The following SRSF1 variants were observed in gnomAD, a reference collection of about 807,000 sequenced individuals.
SRSF1 encodes the protein serine and arginine rich splicing factor 1.
In SRSF1, 1 loss-of-function variant was observed where a neutral mutation model predicts 25.9. The observed-to-expected ratio is 0.04, with a 90% CI of 0.01 to 0.18. SRSF1 has a LOEUF of 0.18. Ranked by LOEUF, SRSF1 falls within the 10% of genes least tolerant of loss-of-function variation. The pLI, the probability that SRSF1 is intolerant of heterozygous loss-of-function variation, is 1.00. For missense variants in SRSF1, 65 were observed against 350.5 expected (o/e 0.19, Z 6.50); for synonymous variants, 132 against 126.2 (o/e 1.05, Z -0.31).
chr17:58,002,602 G>A lies in SRSF1; in HGVS notation c.*2804C>T, dbSNP rs187823513. ...GGTACAAAATAATCTTATGGTTGGA[G>A]AAGGGCTTATAAGGCAAAATTCTAA... On this transcript the variant is annotated 3_prime_UTR_variant, in exon 4 of 4. Coordinates refer to ENST00000258962, the MANE Select transcript of SRSF1 (RefSeq NM_006924.5). Among the ~76,000 whole-genome samples the A allele has an allele frequency of 2.7e-3, 414 of 152,324 alleles. 3 individuals are homozygous for A. Among genetic ancestry groups the A allele is most frequent in the African/African-American group, 9.3e-3 (388 of 41,550 alleles).
rs118016688 is a variant in SRSF1, at chr17:58,002,664, A to C, written c.*2742T>G. On this transcript the variant is annotated 3_prime_UTR_variant, in exon 4 of 4. Coordinates refer to ENST00000258962, the MANE Select transcript of SRSF1 (RefSeq NM_006924.5). Reference sequence around the variant, plus strand: ...TTTATTAACAATGATTCATCCAAAGAAGCAGTTAATCTTGTGCACTCTTCC... The same window carrying C: ...TTTATTAACAATGATTCATCCAAAGCAGCAGTTAATCTTGTGCACTCTTCC... 0.011 allele frequency among the ~76,000 whole-genome samples: 1,658 copies of C among 152,332 alleles called. 16 individuals are homozygous for C. The highest frequency in any genetic ancestry group is 0.022 in the Admixed American group (344 of 15,298).
In SRSF1 at chr17:58,005,697, G is replaced by A. The variant is rs1460374173; in HGVS notation, c.553-97C>T. The stretch of plus-strand genomic sequence containing the variant: ...CAATGTAACTAAAACCAGAAATCTG[G>A]CAATTTACTTGGACAACCTTGCCTG... On this transcript the variant is annotated intron_variant, in intron 3 of 3. Coordinates refer to ENST00000258962, the MANE Select transcript of SRSF1 (RefSeq NM_006924.5). The surrounding 1 kb of genome is among the most constrained non-coding windows in gnomAD (Gnocchi z 5.2). 11 of 1,607,604 alleles carry A rather than the reference G, an allele frequency of 6.8e-6. No homozygotes were observed. The highest frequency in any genetic ancestry group is 1.3e-5 in the African/African-American group (1 of 74,734).
chr17:58,004,787 T>C lies in SRSF1; in HGVS notation c.*619A>G, dbSNP rs1272240598. 1 of 394,470 alleles carries C rather than the reference T, an allele frequency of 2.5e-6. No individual in the cohort carries two copies. The highest frequency in any genetic ancestry group is 4.5e-6 in the Non-Finnish European group (1 of 223,748). The allele number at this position is 394,470 out of a possible 1,614,324, so 24.4% of individuals were successfully genotyped here. A position where few individuals can be genotyped will look rare whatever the true frequency, so the allele number is the denominator to read the frequency against. On this transcript the variant is annotated 3_prime_UTR_variant, in exon 4 of 4. Transcript: ENST00000258962. ...TGCCAAGGTTTAAAAAGCAAAGCAA[T>C]TGTAGCTAAAGACAACTGAATAAAA...
downstream of SRSF1, among the ~76,000 whole-genome samples, chr17:57,998,671 A>C (rs78227009): frequency 7.9e-3 from 1,206 of 152,356 alleles, 4 homozygotes; most frequent in Non-Finnish European, 0.013. Flanking sequence ...TCCAATTTGC[A>C]GCAAGACTAC....
Position 58,005,311 on chromosome 17 carries a change from G to T in SRSF1, c.*95C>A. On this transcript the variant is annotated 3_prime_UTR_variant, in exon 4 of 4. Coordinates refer to ENST00000258962, the MANE Select transcript of SRSF1 (RefSeq NM_006924.5). This position sits in a 1 kb window ranked among gnomAD's most constrained non-coding sequence, Gnocchi z 5.2. ...GCAATTCAACACTTTAGCCCATTCT[G>T]AACAAAACAGTTTGAATTAAAAAAT... 2.9e-6 allele frequency: 4 copies of T among 1,396,454 alleles called. No individual in the cohort carries two copies. The highest frequency in any genetic ancestry group is 4.0e-6 in the Non-Finnish European group (4 of 1,011,082). 86.5% of individuals were successfully genotyped at this position (1,396,454 alleles called of 1,614,324 possible). A position where few individuals can be genotyped will look rare whatever the true frequency, so the allele number is the denominator to read the frequency against.
In SRSF1 at chr17:58,001,816, C is replaced by T. The variant is rs774944776; in HGVS notation, c.*3590G>A. 1.3e-5 allele frequency among the ~76,000 whole-genome samples: 2 copies of T among 152,208 alleles called. No homozygotes were observed. The highest frequency in any genetic ancestry group is 2.9e-5 in the Non-Finnish European group (2 of 68,024). Reference sequence around the variant, plus strand: ...TGTCTGGTCATCTTAACTACAAAACCTATGCCCCTTTACCTAAGTAAACAT... The same window carrying T: ...TGTCTGGTCATCTTAACTACAAAACTTATGCCCCTTTACCTAAGTAAACAT... On this transcript the variant is annotated 3_prime_UTR_variant, in exon 4 of 4. Coordinates refer to ENST00000258962, the MANE Select transcript of SRSF1 (RefSeq NM_006924.5).
chr17:57,991,796 C>T, the SRSF1 span: 4 of 152,296 alleles, frequency 2.6e-5, no homozygotes, highest in Non-Finnish European at 5.9e-5. Flanking sequence ...TGTTTCAATT[C>T]TACCACCTGA....
intron 1 of SRSF1, 200 bp from the exon 2 acceptor site, chr17:58,006,727 C>T: frequency 1.1e-6 from 1 of 891,280 alleles, no homozygotes; most frequent in Non-Finnish European, 1.7e-6. Flanking sequence ...CTCAGTTTCC[C>T]GCTCCAGCCT....
chr17:58,003,105 T>C lies in SRSF1; in HGVS notation c.*2301A>G, dbSNP rs909607382. Among the ~76,000 whole-genome samples the C allele has an allele frequency of 2.0e-5, 3 of 152,240 alleles. No individual in the cohort carries two copies. The highest frequency in any genetic ancestry group is 2.9e-5 in the Non-Finnish European group (2 of 68,038). On this transcript the variant is annotated 3_prime_UTR_variant, in exon 4 of 4. Coordinates refer to ENST00000258962, the MANE Select transcript of SRSF1 (RefSeq NM_006924.5). ...GAGTTTCATTGAGAATATCAAAAGC[T>C]ATCTCCAAGTGAACATTAGTAGCCA...
intron 2 of SRSF1, 58 bp from the exon 3 acceptor site, chr17:58,006,031 G>A (rs987460155): frequency 7.9e-6 from 12 of 1,520,836 alleles, no homozygotes; most frequent in African/African-American, 4.1e-5. Flanking sequence ...ACGTTAAGCT[G>A]GTAAGGTACA....
chr17:57,996,477 C>G (rs143967748), downstream of SRSF1, among the ~76,000 whole-genome samples: 449 of 13,164 alleles, frequency 0.034, 27 homozygotes, highest in East Asian at 0.43. Context: ...GTGCAAGACA[C>G]TGTCTTAAAA....
At chr17:57,990,017 G>T in the SRSF1 span, 2 of 342,288 alleles carry the variant, frequency 5.8e-6, no homozygotes, top group Non-Finnish European at 1.0e-5. Context: ...ACTCACTCAA[G>T]GTCTCTGTGA....
downstream of SRSF1, among the ~76,000 whole-genome samples, chr17:57,999,133 A>G (rs573095975): frequency 2.4e-3 from 369 of 152,338 alleles, 6 homozygotes; most frequent in South Asian, 7.9e-3. Context: ...TGAGGCCTAG[A>G]AAATAGAAAA....
intron 2 of SRSF1, 72 bp from the exon 3 acceptor site, chr17:58,006,045 G>C (rs1287474560): frequency 7.0e-7 from 1 of 1,434,044 alleles, no homozygotes; most frequent in Non-Finnish European, 9.5e-7. Flanking sequence ...AGGTACATTA[G>C]GACAAAGAGT....
chr17:58,006,755 A>G, intron 1 of SRSF1, 189 bp downstream of exon 1: 1 of 878,604 alleles, frequency 1.1e-6, no homozygotes. Flanking sequence ...GGCTCCGGGG[A>G]CGTCCAAGGC....
intron 1 of SRSF1, 113 bp downstream of exon 1, chr17:58,006,831 G>A (rs1258376112): frequency 2.3e-6 from 3 of 1,307,806 alleles, no homozygotes; most frequent in Admixed American, 2.0e-5. Flanking sequence ...ATACAGTCTC[G>A]CCCCAACCTC....
chr17:58,003,250 A>G lies in SRSF1; in HGVS notation c.*2156T>C, dbSNP rs1246047193. On this transcript the variant is annotated 3_prime_UTR_variant, in exon 4 of 4. Transcript: ENST00000258962. ...AGCTTATCTTTCAGATGCTAGATCCATCCCCCACCGTCATTTACCAAGTTA... is the reference window on the plus strand; with the variant it reads ...AGCTTATCTTTCAGATGCTAGATCCGTCCCCCACCGTCATTTACCAAGTTA... 1 of 152,226 alleles carries G rather than the reference A, an allele frequency of 6.6e-6. No individual in the cohort carries two copies. Among genetic ancestry groups the G allele is most frequent in the African/African-American group, 2.4e-5 (1 of 41,466 alleles). The allele number at this position is 152,226 out of a possible 1,614,324, so 9.4% of individuals were successfully genotyped here. A position where few individuals can be genotyped will look rare whatever the true frequency, so the allele number is the denominator to read the frequency against.
chr17:57,996,621 G>A (rs1196654613), downstream of SRSF1, among the ~76,000 whole-genome samples: 2 of 151,248 alleles, frequency 1.3e-5, no homozygotes, highest in African/African-American at 4.9e-5. Flanking sequence ...AAAACATGAA[G>A]AAAAGCAAAT....
rs970643803 is a variant in SRSF1, at chr17:58,005,336, T to A, written c.*70A>T. 1 of 1,536,432 alleles carries A rather than the reference T, an allele frequency of 6.5e-7. No homozygotes were observed. On this transcript the variant is annotated 3_prime_UTR_variant, in exon 4 of 4. Transcript: ENST00000258962. This position sits in a 1 kb window ranked among gnomAD's most constrained non-coding sequence, Gnocchi z 5.2. ...GAACAAAACAGTTTGAATTAAAAAATGAAAAGATTGTACTGAATAAAGGAA... is the reference window on the plus strand; with the variant it reads ...GAACAAAACAGTTTGAATTAAAAAAAGAAAAGATTGTACTGAATAAAGGAA...
Sources: gnomAD v4.1 joint callset for allele counts (sites outside exome capture counted in the v4.1 genomes callset) on GRCh38, gnomAD v4.1.1 for gene constraint, Gnocchi (gnomAD v3.1) non-coding constraint, MANE v1.5 for transcripts, NCBI Gene and HGNC (gene_info 2026-07-23, HGNC 2026-07-21) for gene names.